PTPRC: variants seen among roughly 807,000 people sequenced by gnomAD.
PTPRC encodes the protein receptor-type tyrosine-protein phosphatase C.
PTPRC carries 44 observed loss-of-function variants against 155.9 expected under a neutral mutation model. That is an observed-to-expected ratio of 0.28 (90% CI 0.22 to 0.36). The LOEUF (loss-of-function observed/expected upper bound fraction) is 0.36, where lower values mean the gene tolerates loss of function less well. Ranked by LOEUF, PTPRC falls within the 10% of genes least tolerant of loss-of-function variation. PTPRC has a pLI of 1.00. For missense variants in PTPRC, 1,401 were observed against 1,564.6 expected, an observed-to-expected ratio of 0.90 and a Z score of 1.76; for synonymous variants, 525 against 533.1, an observed-to-expected ratio of 0.98 and a Z score of 0.21.
At chr1:198,703,585 C>A (rs893218827) in intron 7 of PTPRC, 4 of 714,142 alleles carry the variant, frequency 5.6e-6, no homozygotes, top group Admixed American at 5.5e-5. Flanking sequence ...TGTCATAATT[C>A]ATCAGAAAGC....
At chr1:198,693,294 T>A in intron 3 of PTPRC, 1 of 415,152 alleles carries the variant, frequency 2.4e-6, no homozygotes, top group Non-Finnish European at 3.2e-6. Context: ...AAAGAAGGTC[T>A]AACACAATTT....
chr1:198,652,225 T>A (rs1400768335), intron 2 of PTPRC, among the ~76,000 whole-genome samples: 1 of 151,690 alleles, frequency 6.6e-6, no homozygotes, highest in Non-Finnish European at 1.5e-5. Context: ...CATGTAGATA[T>A]AAAGCCGCAG....
intron 16 of PTPRC, among the ~76,000 whole-genome samples, chr1:198,728,780 G>C (rs966929719): frequency 2.1e-4 from 32 of 152,160 alleles, no homozygotes; most frequent in Middle Eastern, 3.4e-3. Context: ...GAGATGTCTG[G>C]GGAAGTTAAT....
At chr1:198,748,838 G>T (rs962875674) in intron 27 of PTPRC, among the ~76,000 whole-genome samples, 1 of 151,704 alleles carries the variant, frequency 6.6e-6, no homozygotes, top group African/African-American at 2.4e-5. Flanking sequence ...TCAGTGCATG[G>T]TTGACCTAGT....
At chr1:198,733,680 GTTA>G (rs1654498519) in intron 20 of PTPRC, among the ~76,000 whole-genome samples, 1 of 151,756 alleles carries the variant, frequency 6.6e-6, no homozygotes, top group Admixed American at 6.6e-5. Context: ...TGAAATGAAA[GTTA>G]TTATATCTCT....
intron 2 of PTPRC, chr1:198,679,824 G>A (rs896491480): frequency 2.2e-5 from 12 of 550,362 alleles, no homozygotes; most frequent in Non-Finnish European, 3.6e-5. Flanking sequence ...TCTTCCTGCC[G>A]GGAGCGTCCG....
intron 2 of PTPRC, among the ~76,000 whole-genome samples, chr1:198,667,813 G>A (rs942164501): frequency 1.3e-5 from 2 of 152,218 alleles, no homozygotes; most frequent in African/African-American, 4.8e-5. Flanking sequence ...TTTCCATGCA[G>A]TTGATAGAAT....
At chr1:198,703,502 G>A in intron 7 of PTPRC, 130 bp downstream of exon 7, 2 of 1,410,622 alleles carry the variant, frequency 1.4e-6, no homozygotes, top group Non-Finnish European at 2.0e-6. Context: ...AATCCTGAGG[G>A]TGATGGAACA....
At chr1:198,688,095 GTGTC>G (rs765515402) in intron 2 of PTPRC, among the ~76,000 whole-genome samples, 157 of 151,988 alleles carry the variant, frequency 1.0e-3, no homozygotes, top group Non-Finnish European at 2.0e-3. Flanking sequence ...GTGTGTGTGT[GTGTC>G]TGTGTGTGTG....
intron 4 of PTPRC, 64 bp downstream of exon 4, chr1:198,696,973 T>C: frequency 7.3e-7 from 1 of 1,368,890 alleles, no homozygotes; most frequent in East Asian, 2.3e-5. Context: ...TCTACAGTTA[T>C]CAGTACAACT....
chr1:198,740,054 T>C (rs1052837249), intron 23 of PTPRC, among the ~76,000 whole-genome samples: 5 of 151,690 alleles, frequency 3.3e-5, no homozygotes, highest in Admixed American at 1.3e-4. Flanking sequence ...AAATCCTGTG[T>C]GATACAGTGA....
At position 198,716,704 on chromosome 1, in the gene PTPRC, T is replaced by C. The variant is rs772260882; in HGVS notation, c.1314T>C (p.Asp438=). Residue 438 remains aspartate, a synonymous_variant, in exon 13 of 33, where the codon GAT becomes GAC. Coordinates refer to ENST00000442510, the MANE Select transcript of PTPRC (RefSeq NM_002838.5). The part of the protein sequence containing the change: ...KETEKDCLNL[D]KNLIKYDLQN... ...CAGAAAAAGATTGCCTCAATCTGGA[T>C]AAAAACCTGATCAAATATGATTTGC... 6.2e-7 allele frequency: 1 copy of C among 1,612,066 alleles called. No homozygotes were observed. Among genetic ancestry groups the C allele is most frequent in the Admixed American group, 1.7e-5 (1 of 60,006 alleles).
At chr1:198,743,067 C>CAAAAAAAAAAAAAAAAAAAAAAAGA (rs10628640) in intron 25 of PTPRC, among the ~76,000 whole-genome samples, 5 of 75,940 alleles carry the variant, frequency 6.6e-5, no homozygotes, top group East Asian at 8.7e-4. Flanking sequence ...GTCAAAATAG[C>CAAAAAAAAAAAAAAAAAAAAAAAGA]AAAAAAAAAA....
In PTPRC at chr1:198,703,366, A is replaced by G; in HGVS notation, c.652A>G (p.Thr218Ala). The G allele has an allele frequency of 6.2e-7, 1 of 1,612,756 alleles. No homozygotes were observed. Residue 218 changes from threonine (T) to alanine (A), a missense_variant, in exon 7 of 33, where the codon ACA becomes GCA. Transcript: ENST00000442510. Reference sequence around the variant, plus strand: ...TGGAAGCGCTGTCATTTCAACCACAACAATAGGTGATATTACCCTCAGTCA... The same window carrying G: ...TGGAAGCGCTGTCATTTCAACCACAGCAATAGGTGATATTACCCTCAGTCA... ...PSGSAVISTTTIATTPSKPTC... is the reference protein window; with the variant it reads ...PSGSAVISTTAIATTPSKPTC...
chr1:198,736,049 A>C (rs775922598), intron 23 of PTPRC, among the ~76,000 whole-genome samples: 15 of 151,418 alleles, frequency 9.9e-5, no homozygotes, highest in Middle Eastern at 3.2e-3. Context: ...TTTATTTTTA[A>C]TTTTTTGGGG....
At chr1:198,703,524 T>C in intron 7 of PTPRC, 152 bp downstream of exon 7, 1 of 1,219,948 alleles carries the variant, frequency 8.2e-7, no homozygotes, top group East Asian at 2.4e-5. Context: ...CAGGAAGATA[T>C]TTCTCTGCTT....
intron 2 of PTPRC, among the ~76,000 whole-genome samples, chr1:198,686,630 G>A (rs1273155078): frequency 2.0e-5 from 3 of 152,004 alleles, no homozygotes; most frequent in Non-Finnish European, 4.4e-5. Flanking sequence ...CACATATTTT[G>A]CTTTACCTAT....
intron 31 of PTPRC, among the ~76,000 whole-genome samples, chr1:198,753,630 T>C (rs892585729): frequency 1.3e-5 from 2 of 152,090 alleles, no homozygotes; most frequent in African/African-American, 2.4e-5. Context: ...TAAAACTATA[T>C]ATGTTTCTTA....
At position 198,732,514 on chromosome 1, in the gene PTPRC, C is replaced by A. The variant is rs200818686; in HGVS notation, c.2100C>A (p.Asn700Lys). The A allele has an allele frequency of 3.8e-5, 61 of 1,610,974 alleles. No individual in the cohort carries two copies. In the South Asian group the frequency reaches 6.3e-4, roughly 17 times the overall value. The change falls in exon 20 of 33, where the codon AAC becomes AAA. Residue 700 changes from asparagine (N) to lysine (K), a missense_variant. Physicochemically the swap from Asn to Lys is moderately conservative, Grantham distance 94 (BLOSUM62 0). Coordinates refer to ENST00000442510, the MANE Select transcript of PTPRC (RefSeq NM_002838.5). The part of the protein sequence containing the change: ...DYNRVELSEI[N>K]GDAGSNYINA... ...ACCGTGTTGAACTCTCTGAGATAAA[C>A]GGAGATGCAGGGTCAAACTACATAA... is the stretch of plus-strand genomic sequence containing the variant.
Sources: allele counts gnomAD v4.1 joint callset (sites outside exome capture counted in the v4.1 genomes callset), GRCh38; gene constraint gnomAD v4.1.1; transcripts MANE v1.5; gene names NCBI Gene and HGNC (gene_info 2026-07-23, HGNC 2026-07-21).